Variants in PLEKHA5 observed in about 807,000 individuals in gnomAD.
The protein encoded by PLEKHA5 is pleckstrin homology domain containing A5.
PLEKHA5 carries 55 observed loss-of-function variants against 181.9 expected under a neutral mutation model. That is an observed-to-expected ratio of 0.30 (90% CI 0.24 to 0.38). PLEKHA5 has a LOEUF of 0.38. Ranked by LOEUF, PLEKHA5 falls within the 10% of genes least tolerant of loss-of-function variation. The pLI, the probability that PLEKHA5 is intolerant of heterozygous loss-of-function variation, is 1.00. For synonymous variants in PLEKHA5, 535 were observed against 529.4 expected (o/e 1.01, Z -0.15); for missense variants, 1,432 against 1,549.5 (o/e 0.92, Z 1.27).
At position 19,336,556 on chromosome 12, in the gene PLEKHA5, C is replaced by T. The variant is rs201219138; in HGVS notation, c.2490C>T (p.Tyr830=). ...GGAGAGAATATGATAAGTTAGAATA[C>T]GATGTAACTGTTACCAGGAACCAGA... ...RAWREYDKLE[Y]DVTVTRNQMQ... Residue 830 remains tyrosine, a synonymous_variant, in exon 21 of 32, where the codon TAC becomes TAT. Transcript: ENST00000429027. 2.7e-5 allele frequency: 44 copies of T among 1,609,090 alleles called. No individual in the cohort carries two copies. Among genetic ancestry groups the T allele is most frequent in the East Asian group, 2.7e-4 (12 of 44,804 alleles).
At chr12:19,157,405 C>CT (rs2151419392) in intron 3 of PLEKHA5, among the ~76,000 whole-genome samples, 1 of 151,484 alleles carries the variant, frequency 6.6e-6, no homozygotes, top group African/African-American at 2.4e-5. Context: ...CAAAATTTCT[C>CT]TAATATCTAC....
At chr12:19,270,060 G>T in intron 9 of PLEKHA5, 128 bp from the exon 10 acceptor site, 1 of 639,078 alleles carries the variant, frequency 1.6e-6, no homozygotes, top group Non-Finnish European at 2.6e-6. Context: ...CATTTTGTTA[G>T]TTTGCGATAC....
chr12:19,201,225 A>G (rs1215490522), intron 3 of PLEKHA5: 1 of 152,128 alleles, frequency 6.6e-6, no homozygotes, highest in African/African-American at 2.4e-5. Context: ...ATATACTCAA[A>G]TAGCCAGTGA....
intron 25 of PLEKHA5, among the ~76,000 whole-genome samples, chr12:19,352,623 C>T (rs1281047276): frequency 2.2e-5 from 3 of 138,022 alleles, no homozygotes; most frequent in Non-Finnish European, 3.0e-5. Context: ...CTGTGTTGAG[C>T]AGGCTGGTCT....
intron 11 of PLEKHA5, among the ~76,000 whole-genome samples, chr12:19,281,226 C>CAAA (rs199800119): frequency 1.0e-5 from 1 of 96,504 alleles, no homozygotes; most frequent in Non-Finnish European, 2.2e-5. Context: ...GAATCCATCT[C>CAAA]AAAAAAAAAA....
In PLEKHA5 at chr12:19,283,599, CA is replaced by C; in HGVS notation, c.1634del (p.His545ProfsTer12). The C allele has an allele frequency of 6.2e-7, 1 of 1,614,018 alleles. No homozygotes were observed. Among genetic ancestry groups the C allele is most frequent in the Non-Finnish European group, 8.5e-7 (1 of 1,179,912 alleles). On this transcript the variant is annotated frameshift_variant, in exon 12 of 32. Coordinates refer to ENST00000429027, the MANE Select transcript of PLEKHA5 (RefSeq NM_001256470.2). LOFTEE classifies it high-confidence loss of function. ...TMVNISDQTM[H>X]SIPTSPSHGS... is the part of the protein sequence containing the mutation. ...GGTAAATATTTCTGACCAGACAATG[CA>C]CTCTATTCCCACATCACCTTCCCAC...
chr12:19,290,791 C>G lies in PLEKHA5; in HGVS notation c.1978C>G (p.Pro660Ala), dbSNP rs1317817012. 1 of 1,533,118 alleles carries G rather than the reference C, an allele frequency of 6.5e-7. No homozygotes were observed. 95.0% of individuals were successfully genotyped at this position (1,533,118 alleles called of 1,614,324 possible). ...GCAGCTAAAGCTTGAGGCCCACAGC[C>G]CAAAGGTCAGCTATGGAGAGATTTG... ...LMQLKLEAHSPKNEILSHHLQ... is the reference protein window; with the variant it reads ...LMQLKLEAHSAKNEILSHHLQ... The change falls in exon 14 of 32, where the codon CCA becomes GCA. Residue 660 changes from proline (P) to alanine (A), a missense_variant. Coordinates refer to ENST00000429027, the MANE Select transcript of PLEKHA5 (RefSeq NM_001256470.2).
At chr12:19,272,414 GA>G (rs953874142) in intron 10 of PLEKHA5, among the ~76,000 whole-genome samples, 3 of 151,428 alleles carry the variant, frequency 2.0e-5, no homozygotes, top group East Asian at 1.9e-4. Flanking sequence ...TGGGGAAAAA[GA>G]AAAAAAACCC....
At chr12:19,346,016 G>A (rs2094307994) in intron 23 of PLEKHA5, 128 bp downstream of exon 23, 1 of 448,028 alleles carries the variant, frequency 2.2e-6, no homozygotes, top group African/African-American at 2.1e-5. Flanking sequence ...TATTGTTTTA[G>A]TCTTGAAATT....
At chr12:19,346,633 TAAATA>T (rs1468049392) in intron 23 of PLEKHA5, among the ~76,000 whole-genome samples, 1 of 152,074 alleles carries the variant, frequency 6.6e-6, no homozygotes, top group Admixed American at 6.6e-5. Flanking sequence ...CTCTACCAAA[TAAATA>T]AATAAGATAA....
chr12:19,223,843 G>C (rs2152321552), intron 3 of PLEKHA5, among the ~76,000 whole-genome samples: 1 of 152,176 alleles, frequency 6.6e-6, no homozygotes, highest in South Asian at 2.1e-4. Context: ...TTCTTTGCTG[G>C]ACCGCTACTC....
At chr12:19,361,163 GTGATTGTT>G (rs758208826) in intron 28 of PLEKHA5, among the ~76,000 whole-genome samples, 11 of 152,168 alleles carry the variant, frequency 7.2e-5, no homozygotes, top group Middle Eastern at 6.8e-3. Flanking sequence ...TTGATAGAGT[GTGATTGTT>G]TATTTATTTT....
At chr12:19,338,477 G>A (rs2093627768) in intron 21 of PLEKHA5, among the ~76,000 whole-genome samples, 1 of 151,962 alleles carries the variant, frequency 6.6e-6, no homozygotes, top group African/African-American at 2.4e-5. Context: ...AAATTAGCTG[G>A]GCACTTGTGG....
intron 3 of PLEKHA5, among the ~76,000 whole-genome samples, chr12:19,178,833 A>G (rs2047901493): frequency 6.6e-6 from 1 of 152,160 alleles, no homozygotes; most frequent in South Asian, 2.1e-4. Context: ...AAAATAAAAA[A>G]CAAACAACTC....
chr12:19,313,254 A>C (rs545610570), intron 15 of PLEKHA5, among the ~76,000 whole-genome samples: 1 of 152,258 alleles, frequency 6.6e-6, no homozygotes, highest in Admixed American at 6.5e-5. Flanking sequence ...ATGTGCCTGT[A>C]GTCCTAGCTA....
intron 3 of PLEKHA5, among the ~76,000 whole-genome samples, chr12:19,195,472 A>G (rs2052441237): frequency 6.6e-6 from 1 of 152,060 alleles, no homozygotes; most frequent in African/African-American, 2.4e-5. Flanking sequence ...GTTCGAGACC[A>G]GCCTGGGCAA....
intron 31 of PLEKHA5, among the ~76,000 whole-genome samples, chr12:19,370,438 T>C (rs1365927970): frequency 6.6e-6 from 1 of 152,214 alleles, no homozygotes; most frequent in African/African-American, 2.4e-5. Context: ...ACTTTTAAAC[T>C]TTCTAGACAA....
intron 3 of PLEKHA5, chr12:19,176,361 G>C (rs1485952806): frequency 6.6e-6 from 1 of 151,564 alleles, no homozygotes; most frequent in East Asian, 1.9e-4. Flanking sequence ...CTAGTGATCA[G>C]ATCAGCACAG....
At chr12:19,333,012 G>A (rs1471090485) in intron 20 of PLEKHA5, among the ~76,000 whole-genome samples, 3 of 152,108 alleles carry the variant, frequency 2.0e-5, no homozygotes, top group Non-Finnish European at 4.4e-5. Flanking sequence ...TTTAACTTAC[G>A]AGGTTCATCC....
Sources: gnomAD v4.1 joint callset for allele counts (sites outside exome capture counted in the v4.1 genomes callset) on GRCh38, gnomAD v4.1.1 for gene constraint, MANE v1.5 for transcripts, NCBI Gene and HGNC (gene_info 2026-07-23, HGNC 2026-07-21) for gene names.